Variants in FMN1 observed in about 807,000 individuals in gnomAD.
FMN1 encodes the protein formin 1.
A neutral mutation model predicts 132.4 loss-of-function variants in FMN1; 110 were observed. The observed-to-expected ratio is 0.83, with a 90% CI of 0.71 to 0.97. The LOEUF is 0.97. FMN1 is among the 50% of genes least tolerant of loss of function. FMN1 has a pLI of 0.00. For missense variants in FMN1, 1,792 were observed against 1,705.3 expected (o/e 1.05, Z -0.90); for synonymous variants, 722 against 651.7 (o/e 1.11, Z -1.64).
At chr15:33,079,787 T>G (rs1441684298) in intron 5 of FMN1, among the ~76,000 whole-genome samples, 1 of 152,250 alleles carries the variant, frequency 6.6e-6, no homozygotes, top group African/African-American at 2.4e-5. Context: ...ATTTGAGAGA[T>G]AACTGGTTAA....
chr15:33,126,336 CAGA>C (rs772421271), intron 4 of FMN1, among the ~76,000 whole-genome samples: 2 of 152,152 alleles, frequency 1.3e-5, no homozygotes, highest in African/African-American at 2.4e-5. Flanking sequence ...AGAGAGGAGG[CAGA>C]AGGTCACTGT....
chr15:33,014,580 T>C (rs1173394256), intron 6 of FMN1, among the ~76,000 whole-genome samples: 2 of 152,148 alleles, frequency 1.3e-5, no homozygotes, highest in African/African-American at 2.4e-5. Context: ...AACAATAATG[T>C]AGTCCATGAA....
chr15:33,122,689 T>C (rs1324202212), intron 4 of FMN1, among the ~76,000 whole-genome samples: 1 of 152,204 alleles, frequency 6.6e-6, no homozygotes, highest in Non-Finnish European at 1.5e-5. Flanking sequence ...GAACACTAAA[T>C]TGGCACATGC....
intron 6 of FMN1, among the ~76,000 whole-genome samples, chr15:33,027,783 A>G (rs1186887094): frequency 3.9e-5 from 6 of 152,220 alleles, no homozygotes; most frequent in Admixed American, 2.6e-4. Context: ...ATACATACAC[A>G]GCACCTGTTG....
At chr15:33,109,402 G>A (rs1013945383) in intron 4 of FMN1, among the ~76,000 whole-genome samples, 3 of 151,852 alleles carry the variant, frequency 2.0e-5, no homozygotes, top group Non-Finnish European at 2.9e-5. Context: ...AATGAAATGC[G>A]AGCACTATTC....
chr15:32,819,048 T>C (rs2058134486), intron 17 of FMN1, among the ~76,000 whole-genome samples: 1 of 152,200 alleles, frequency 6.6e-6, no homozygotes, highest in Non-Finnish European at 1.5e-5. Context: ...AGTCATTCCT[T>C]GTGATTGCAC....
intron 12 of FMN1, among the ~76,000 whole-genome samples, chr15:32,907,057 A>G (rs1259827931): frequency 6.6e-6 from 1 of 152,194 alleles, no homozygotes. Context: ...GGTATTCTAG[A>G]GCAGCTGTGC....
At chr15:33,118,417 A>G (rs543606481) in intron 4 of FMN1, among the ~76,000 whole-genome samples, 1 of 152,352 alleles carries the variant, frequency 6.6e-6, no homozygotes, top group African/African-American at 2.4e-5. Flanking sequence ...AATGGAGATC[A>G]TGGCTTCAAA....
chr15:32,904,825 T>C (rs922580197), intron 12 of FMN1, among the ~76,000 whole-genome samples: 1 of 152,234 alleles, frequency 6.6e-6, no homozygotes, highest in Non-Finnish European at 1.5e-5. Context: ...TGGGTTACTT[T>C]GAAGGCTGTG....
chr15:33,163,659 C>T (rs1483551984), intron 3 of FMN1, among the ~76,000 whole-genome samples: 3 of 149,844 alleles, frequency 2.0e-5, no homozygotes, highest in Non-Finnish European at 4.4e-5. Flanking sequence ...CTCTTGTTGC[C>T]GAGGCTGGAG....
At chr15:32,863,695 T>C (rs1404044117) in intron 16 of FMN1, among the ~76,000 whole-genome samples, 2 of 152,252 alleles carry the variant, frequency 1.3e-5, no homozygotes, top group Non-Finnish European at 2.9e-5. Context: ...ATGTTCATCT[T>C]TTCTACTTTA....
chr15:32,781,085 A>G (rs1178757443), intron 19 of FMN1, among the ~76,000 whole-genome samples: 2 of 152,220 alleles, frequency 1.3e-5, no homozygotes, highest in African/African-American at 4.8e-5. Context: ...AAAATCTTAA[A>G]GAATATATGA....
chr15:32,855,899 TTGGTATCTTTGCTCTCAAGA>T (rs1243288960), intron 17 of FMN1, among the ~76,000 whole-genome samples: 1 of 152,148 alleles, frequency 6.6e-6, no homozygotes, highest in Non-Finnish European at 1.5e-5. Flanking sequence ...CACACAAGTA[TTGGTATCTTTGCTCTCAAGA>T]TGGTACTTTG....
At chr15:33,125,464 C>T (rs1054184485) in intron 4 of FMN1, among the ~76,000 whole-genome samples, 8 of 151,960 alleles carry the variant, frequency 5.3e-5, no homozygotes, top group East Asian at 1.9e-4. Context: ...AAGGAAATAT[C>T]TAATGGGGTT....
At chr15:32,784,373 CTTTT>C (rs966286179) in intron 19 of FMN1, among the ~76,000 whole-genome samples, 2 of 143,520 alleles carry the variant, frequency 1.4e-5, no homozygotes, top group Non-Finnish European at 3.1e-5. Context: ...AAGAGGTCTG[CTTTT>C]TTTTTTTTAA....
intron 17 of FMN1, among the ~76,000 whole-genome samples, chr15:32,822,716 A>G (rs1176480272): frequency 1.3e-5 from 2 of 152,124 alleles, no homozygotes; most frequent in Non-Finnish European, 2.9e-5. Flanking sequence ...GCATTATTTG[A>G]GTATTTCTTA....
intron 3 of FMN1, among the ~76,000 whole-genome samples, chr15:33,158,696 G>A (rs1431768613): frequency 6.6e-6 from 1 of 152,176 alleles, no homozygotes; most frequent in Non-Finnish European, 1.5e-5. Context: ...ATCCATAGGA[G>A]CCAATGAAGA....
intron 7 of FMN1, among the ~76,000 whole-genome samples, chr15:32,988,049 G>GTTTTTTTTTTTTTTTTTTTTTTTTTT (rs10573409): frequency 8.5e-6 from 1 of 118,164 alleles, no homozygotes; most frequent in African/African-American, 3.1e-5. Flanking sequence ...TGTCTCTCCA[G>GTTTTTTTTTTTTTTTTTTTTTTTTTT]TTTTTTTTTT....
chr15:32,932,317 C>T (rs754066554), intron 9 of FMN1, among the ~76,000 whole-genome samples: 37 of 152,222 alleles, frequency 2.4e-4, no homozygotes, highest in Non-Finnish European at 1.0e-4. Flanking sequence ...AGGAAAATCA[C>T]TTGAACCCGG....
Sources: allele counts gnomAD v4.1 joint callset (sites outside exome capture counted in the v4.1 genomes callset), GRCh38; gene constraint gnomAD v4.1.1; transcripts MANE v1.5; gene names NCBI Gene and HGNC (gene_info 2026-07-23, HGNC 2026-07-21).